Variants in SLC39A6 observed in about 807,000 individuals in gnomAD.
SLC39A6 encodes solute carrier family 39 member 6.
Under a neutral mutation model 63.5 loss-of-function variants are expected in SLC39A6, and 51 were observed. The observed-to-expected ratio is 0.80, with a 90% CI of 0.64 to 1.01. The LOEUF is 1.01. Among genes scored for constraint, SLC39A6 ranks in the 50% least tolerant of loss-of-function variants. The pLI, the probability that SLC39A6 is intolerant of heterozygous loss-of-function variation, is 0.00. For synonymous variants in SLC39A6, 318 were observed against 324.7 expected (o/e 0.98, Z 0.22); for missense variants, 805 against 927.8 (o/e 0.87, Z 1.72).
Position 36,126,245 on chromosome 18 carries a change from T to C in SLC39A6, c.763A>G (p.Arg255Gly), listed in dbSNP as rs1045719095. The change falls in exon 2 of 10, where the codon AGA becomes GGA. Residue 255 changes from arginine (R) to glycine (G), a missense_variant. Physicochemically the swap from Arg to Gly is moderately radical, Grantham distance 125. Coordinates refer to ENST00000269187, the MANE Select transcript of SLC39A6 (RefSeq NM_012319.4). ...TCCTGAGGATTTTCATTTGTGTTTC[T>C]GGAATACATAAAGCCTTTTCGGGGC... ...SEPRKGFMYS[R>G]NTNENPQECF... 2.5e-6 allele frequency: 4 copies of C among 1,614,102 alleles called. No individual in the cohort carries two copies. The highest frequency in any genetic ancestry group is 1.7e-5 in the Admixed American group (1 of 60,004).
chr18:36,108,682 C>T lies in SLC39A6; in HGVS notation c.*911G>A, dbSNP rs1323731477. On this transcript the variant is annotated 3_prime_UTR_variant, in exon 10 of 10. Coordinates refer to ENST00000269187, the MANE Select transcript of SLC39A6 (RefSeq NM_012319.4). ...AGAGATATCAAAGTACTTTCTGAAT[C>T]GAATCAAATGATACTTAGTGTAGTT... 3.9e-5 allele frequency: 6 copies of T among 152,106 alleles called. No individual in the cohort carries two copies. The highest frequency in any genetic ancestry group is 3.9e-4 in the East Asian group (2 of 5,192). 9.4% of individuals were successfully genotyped at this position (152,106 alleles called of 1,614,324 possible).
intron 7 of SLC39A6, 84 bp downstream of exon 7, chr18:36,114,008 ACTAAT>A (rs2089322785): frequency 6.1e-6 from 9 of 1,463,724 alleles, no homozygotes; most frequent in Non-Finnish European, 8.2e-6. Context: ...CCTCATCTAA[ACTAAT>A]CTATTCTTTG....
At chr18:36,117,175 T>G (rs2089352987) in intron 5 of SLC39A6, among the ~76,000 whole-genome samples, 1 of 152,164 alleles carries the variant, frequency 6.6e-6, no homozygotes, top group Non-Finnish European at 1.5e-5. Context: ...AGGTGGAGGT[T>G]GCAGTGAGCC....
chr18:36,112,646 T>C (rs1368222673), intron 7 of SLC39A6, 65 bp from the exon 8 acceptor site: 1 of 1,212,932 alleles, frequency 8.2e-7, no homozygotes, highest in Non-Finnish European at 1.2e-6. Context: ...CTTATCAGTA[T>C]GCAAAATGAG....
intron 7 of SLC39A6, 115 bp from the exon 8 acceptor site, chr18:36,112,696 G>A (rs2144498288): frequency 2.7e-6 from 2 of 738,010 alleles, no homozygotes; most frequent in Non-Finnish European, 2.3e-6. Context: ...ATGAATAGAA[G>A]TTTCCCAAAC....
chr18:36,111,391 G>A (rs574347464), intron 8 of SLC39A6, 142 bp from the exon 9 acceptor site: 24 of 699,968 alleles, frequency 3.4e-5, no homozygotes, highest in Non-Finnish European at 5.5e-5. Flanking sequence ...ATGACCTAGG[G>A]TTAAAGCAGT....
Position 36,109,504 on chromosome 18 carries a change from C to T in SLC39A6, c.*89G>A, listed in dbSNP as rs144954306. ...AATCACAAAACCCACTAACTTTAAACGCTGCATAGTACAGCATACAAACTC... is the reference window on the plus strand; with the variant it reads ...AATCACAAAACCCACTAACTTTAAATGCTGCATAGTACAGCATACAAACTC... On this transcript the variant is annotated 3_prime_UTR_variant, in exon 10 of 10. Transcript: ENST00000269187. The T allele has an allele frequency of 2.3e-3, 2,275 of 975,702 alleles. 64 individuals are homozygous for T. In the East Asian group the frequency reaches 0.052, roughly 22 times the overall value. 60.4% of individuals were successfully genotyped at this position (975,702 alleles called of 1,614,324 possible).
rs777006490 is a variant in SLC39A6 at position 36,111,076 on chromosome 18, C to T, written c.2098G>A (p.Val700Ile). The change falls in exon 9 of 10, where the codon GTT (valine) becomes ATT (isoleucine). Residue 700 changes from valine (V) to isoleucine (I), a missense_variant. Coordinates refer to ENST00000269187, the MANE Select transcript of SLC39A6 (RefSeq NM_012319.4). ...AAACTTACCATATCAACCAGAGCAA[C>T]ATACATGAATAAGCCAGCAGTAAGT... ...FALTAGLFMY[V>I]ALVDMVPEML... 1 of 1,613,852 alleles carries T rather than the reference C, an allele frequency of 6.2e-7. No individual in the cohort carries two copies. The highest frequency in any genetic ancestry group is 8.5e-7 in the Non-Finnish European group (1 of 1,179,734).
intron 7 of SLC39A6, among the ~76,000 whole-genome samples, 167 bp from the exon 8 acceptor site, chr18:36,112,748 C>T (rs887521671): frequency 6.6e-6 from 1 of 152,166 alleles, no homozygotes; most frequent in African/African-American, 2.4e-5. Context: ...GAGTACATTC[C>T]ATGAGGTCTA....
chr18:36,112,970 T>C lies in SLC39A6; in HGVS notation c.1844-389A>G, dbSNP rs537100407. 4.5e-4 allele frequency among the ~76,000 whole-genome samples: 69 copies of C among 152,372 alleles called. 1 individual carries two copies. In the South Asian group the frequency reaches 0.011, roughly 25 times the overall value. On this transcript the variant is annotated intron_variant, in intron 7 of 9. Transcript: ENST00000269187. ...TCACTTGCCTCAGAGGAATTTACTA[T>C]GTAACTAGATGTTTACATTTATTCT...
intron 4 of SLC39A6, 103 bp downstream of exon 4, chr18:36,123,392 C>G: frequency 5.4e-6 from 6 of 1,105,928 alleles, no homozygotes; most frequent in Non-Finnish European, 7.7e-6. Flanking sequence ...CTTTTCTAAA[C>G]CAAATTTCTA....
intron 5 of SLC39A6, among the ~76,000 whole-genome samples, chr18:36,119,296 G>T (rs1386518231): frequency 6.6e-6 from 1 of 152,114 alleles, no homozygotes; most frequent in Non-Finnish European, 1.5e-5. Flanking sequence ...TGTAACATTT[G>T]CAAAACTCCT....
chr18:36,113,545 A>G (rs2089319342), intron 7 of SLC39A6, among the ~76,000 whole-genome samples: 1 of 152,246 alleles, frequency 6.6e-6, no homozygotes, highest in African/African-American at 2.4e-5. Flanking sequence ...TCACCTTGAC[A>G]GGCCTCAGCT....
intron 9 of SLC39A6, among the ~76,000 whole-genome samples, chr18:36,110,610 C>T (rs1020850595): frequency 6.6e-6 from 1 of 151,996 alleles, no homozygotes; most frequent in African/African-American, 2.4e-5. Context: ...ACAATCTCAG[C>T]TCACTGCAAC....
rs776886549 is a variant in SLC39A6 at position 36,123,543 on chromosome 18, C to T, written c.1092G>A (p.Leu364=). ...FKFLLSFLVA[L]AVGTLSGDAF... ...CATCACCACTCAAAGTCCCAACGGC[C>T]AGTGCCACAAGGAAACTCAGGAGAA... The change falls in exon 4 of 10, where the codon CTG becomes CTA. Residue 364 remains leucine (L), a synonymous_variant. Coordinates refer to ENST00000269187, the MANE Select transcript of SLC39A6 (RefSeq NM_012319.4). 1.2e-6 allele frequency: 2 copies of T among 1,613,626 alleles called. No individual in the cohort carries two copies. Among genetic ancestry groups the T allele is most frequent in the South Asian group, 1.1e-5 (1 of 90,976 alleles).
chr18:36,110,934 T>G, intron 9 of SLC39A6, 125 bp downstream of exon 9: 1 of 1,448,758 alleles, frequency 6.9e-7, no homozygotes. Context: ...GAGACCAGCC[T>G]GGACGACATA....
rs756036219 is a variant in SLC39A6, at chr18:36,123,498, T to G, written c.1137A>C (p.Pro379=). ...CAGGACAAATTACTATACTTACATG[T>G]GGAAGAAGGTGTAAAAAAGCATCAC... ...LSGDAFLHLL[P]HSHASHHHSH... The change falls in exon 4 of 10, where the codon CCA becomes CCC. Residue 379 remains proline (P), a synonymous_variant. Coordinates refer to ENST00000269187, the MANE Select transcript of SLC39A6 (RefSeq NM_012319.4). 4.4e-6 allele frequency: 7 copies of G among 1,607,538 alleles called. No individual in the cohort carries two copies. The highest frequency in any genetic ancestry group is 5.1e-6 in the Non-Finnish European group (6 of 1,178,236).
chr18:36,119,372 T>C (rs896514248), intron 5 of SLC39A6, among the ~76,000 whole-genome samples: 2 of 152,138 alleles, frequency 1.3e-5, no homozygotes, highest in Non-Finnish European at 2.9e-5. Context: ...ATTCAATATT[T>C]ACTACCATCG....
intron 6 of SLC39A6, among the ~76,000 whole-genome samples, chr18:36,116,329 T>C (rs922039556): frequency 3.9e-5 from 6 of 152,302 alleles, no homozygotes; most frequent in African/African-American, 1.4e-4. Context: ...GCTGGCCCTT[T>C]AGTCACTAAA....
Sources: gnomAD v4.1 joint callset for allele counts (sites outside exome capture counted in the v4.1 genomes callset) on GRCh38, gnomAD v4.1.1 for gene constraint, MANE v1.5 for transcripts, NCBI Gene and HGNC (gene_info 2026-07-23, HGNC 2026-07-21) for gene names.